ALPK1: variants seen among roughly 807,000 people sequenced by gnomAD.
ALPK1 encodes alpha-protein kinase 1.
In ALPK1, 110 loss-of-function variants were observed where a neutral mutation model predicts 120.6. The observed-to-expected ratio is 0.91, with a 90% confidence interval of 0.78 to 1.07. ALPK1 has a LOEUF of 1.07. Ranked by LOEUF, ALPK1 falls within the 50% of genes least tolerant of loss-of-function variation. ALPK1 has a pLI of 0.00. For synonymous variants in ALPK1, 582 were observed against 560.3 expected, an observed-to-expected ratio of 1.04 and a Z score of -0.55; for missense variants, 1,498 against 1,483.9, an observed-to-expected ratio of 1.01 and a Z score of -0.16.
chr4:112,356,397 G>A, intron 2 of ALPK1: 3 of 841,978 alleles, frequency 3.6e-6, no homozygotes, highest in South Asian at 1.3e-5. Flanking sequence ...GTCATCCTGG[G>A]GCAATGCTGC....
intron 6 of ALPK1, chr4:112,425,295 T>G (rs1051953686): frequency 5.5e-6 from 1 of 182,906 alleles, no homozygotes; most frequent in Admixed American, 5.7e-5. Context: ...TGGAGGCCTT[T>G]GAGGAAAAGC....
chr4:112,397,866 AT>A (rs1732729731), intron 4 of ALPK1, among the ~76,000 whole-genome samples: 1 of 152,116 alleles, frequency 6.6e-6, no homozygotes, highest in Non-Finnish European at 1.5e-5. Flanking sequence ...CGAGTTTCTG[AT>A]TTAGTGAATC....
chr4:112,381,321 C>A (rs1731895839), intron 3 of ALPK1, among the ~76,000 whole-genome samples: 1 of 152,012 alleles, frequency 6.6e-6, no homozygotes, highest in South Asian at 2.1e-4. Context: ...ATGGTGGTGC[C>A]AGTCATTAAA....
In ALPK1 at chr4:112,435,184, T is replaced by C; in HGVS notation, c.3071T>C (p.Leu1024Pro). The change falls in exon 12 of 16, where the codon CTG becomes CCG. Residue 1024 changes from leucine to proline, a missense_variant. By Grantham distance (98) the Leu-to-Pro change is moderately conservative (BLOSUM62 -3). Coordinates refer to ENST00000650871, the MANE Select transcript of ALPK1 (RefSeq NM_025144.4). ...LLLKYSKKSE[L>P]WTAQETIVYL... ...TTAAAATATTCAAAAAAATCTGAACTGTGGACGGCCCAGGAAACTATTGTC... is the reference window on the plus strand; with the variant it reads ...TTAAAATATTCAAAAAAATCTGAACCGTGGACGGCCCAGGAAACTATTGTC... 6.2e-7 allele frequency: 1 copy of C among 1,607,988 alleles called. No individual in the cohort carries two copies. Among genetic ancestry groups the C allele is most frequent in the Non-Finnish European group, 8.5e-7 (1 of 1,178,590 alleles).
intron 2 of ALPK1, among the ~76,000 whole-genome samples, chr4:112,336,095 G>C (rs958119235): frequency 4.6e-5 from 7 of 152,130 alleles, no homozygotes; most frequent in Non-Finnish European, 5.9e-5. Context: ...TATATCCCTA[G>C]TACCTACAAT....
rs764964716 is a variant in ALPK1, at chr4:112,430,854, G to C, written c.1307G>C (p.Ser436Thr). ...NVDDRSYVPE[S>T]FECRLDKLIL... ...GATGACAGATCTTATGTTCCCGAGA[G>C]TTTCGAGTGCAGGTTGGATAAACTT... The change falls in exon 11 of 16, where the codon AGT (serine) becomes ACT (threonine). Residue 436 changes from serine (S) to threonine (T), a missense_variant. By Grantham distance (58) the Ser-to-Thr change is moderately conservative. Coordinates refer to ENST00000650871, the MANE Select transcript of ALPK1 (RefSeq NM_025144.4). 3.7e-6 allele frequency: 6 copies of C among 1,614,002 alleles called. No homozygotes were observed. Among genetic ancestry groups the C allele is most frequent in the Non-Finnish European group, 2.5e-6 (3 of 1,179,952 alleles).
At chr4:112,392,587 TA>T (rs1732467282) in intron 4 of ALPK1, among the ~76,000 whole-genome samples, 3 of 152,228 alleles carry the variant, frequency 2.0e-5, no homozygotes, top group Admixed American at 2.0e-4. Flanking sequence ...AGTACAGTGG[TA>T]CAATTTTGGC....
At chr4:112,421,385 G>A (rs976262186) in intron 5 of ALPK1, among the ~76,000 whole-genome samples, 3 of 152,126 alleles carry the variant, frequency 2.0e-5, no homozygotes, top group Non-Finnish European at 1.5e-5. Flanking sequence ...AAGCTCTTTC[G>A]CTTGGTCAGA....
chr4:112,367,879 A>G (rs1174988683), intron 2 of ALPK1, among the ~76,000 whole-genome samples: 4 of 152,148 alleles, frequency 2.6e-5, no homozygotes, highest in African/African-American at 9.7e-5. Context: ...CAGTTCAAAA[A>G]TTCTATCTTC....
chr4:112,381,585 C>G (rs62316106), intron 3 of ALPK1, among the ~76,000 whole-genome samples: 1 of 152,052 alleles, frequency 6.6e-6, no homozygotes, highest in African/African-American at 2.4e-5. Flanking sequence ...GGTGCATGTA[C>G]TGTACATCAC....
At chr4:112,355,850 C>T (rs147736754) in intron 2 of ALPK1, among the ~76,000 whole-genome samples, 1 of 152,370 alleles carries the variant, frequency 6.6e-6, no homozygotes, top group Non-Finnish European at 1.5e-5. Context: ...GCGCCTCAGT[C>T]CGCGAAGTCT....
At chr4:112,418,708 A>C (rs970767308) in intron 5 of ALPK1, among the ~76,000 whole-genome samples, 2 of 149,972 alleles carry the variant, frequency 1.3e-5, no homozygotes, top group African/African-American at 4.9e-5. Context: ...CAGGTATTGA[A>C]GGGTGGATTG....
chr4:112,430,966 T>C lies in ALPK1; in HGVS notation c.1419T>C (p.Asp473=). The C allele has an allele frequency of 6.2e-7, 1 of 1,613,864 alleles. No individual in the cohort carries two copies. The highest frequency in any genetic ancestry group is 8.5e-7 in the Non-Finnish European group (1 of 1,179,814). The change falls in exon 11 of 16, where the codon GAT becomes GAC. Residue 473 remains aspartate (D), a synonymous_variant. Transcript: ENST00000650871. ...CGGTGTGTGAAGTATTTGAAAGTGATTGTGGAAACAACAAAAATGAACAGA... is the reference window on the plus strand; with the variant it reads ...CGGTGTGTGAAGTATTTGAAAGTGACTGTGGAAACAACAAAAATGAACAGA... The part of the protein sequence containing the change: ...HTSVCEVFES[D]CGNNKNEQKD...
intron 2 of ALPK1, chr4:112,357,212 A>G: frequency 6.5e-7 from 1 of 1,549,630 alleles, no homozygotes; most frequent in Middle Eastern, 2.3e-4. Flanking sequence ...GTTTCAGACC[A>G]AGGGCTGCAT....
At chr4:112,398,154 T>C (rs888132856) in intron 4 of ALPK1, among the ~76,000 whole-genome samples, 1 of 152,072 alleles carries the variant, frequency 6.6e-6, no homozygotes, top group Non-Finnish European at 1.5e-5. Context: ...GAGCAACAAA[T>C]ACAAAGACTT....
At chr4:112,331,904 G>T (rs1238569446) in intron 2 of ALPK1, among the ~76,000 whole-genome samples, 1 of 152,064 alleles carries the variant, frequency 6.6e-6, no homozygotes, top group African/African-American at 2.4e-5. Flanking sequence ...GGGCAGCTTG[G>T]GTCTCATACA....
chr4:112,396,302 C>A (rs1236045191), intron 4 of ALPK1, among the ~76,000 whole-genome samples: 6 of 152,212 alleles, frequency 3.9e-5, no homozygotes, highest in Non-Finnish European at 7.3e-5. Context: ...CTCTAAGGAA[C>A]TTTGCCTGGA....
At chr4:112,427,746 C>A in intron 9 of ALPK1, 81 bp downstream of exon 9, 1 of 998,142 alleles carries the variant, frequency 1.0e-6, no homozygotes, top group South Asian at 1.4e-5. Context: ...CTGTCTTTCT[C>A]AGGAGATTGG....
chr4:112,369,632 G>A (rs1348047152), intron 2 of ALPK1, among the ~76,000 whole-genome samples: 6 of 152,100 alleles, frequency 3.9e-5, no homozygotes, highest in East Asian at 3.8e-4. Context: ...GCAGTGAGCC[G>A]AGATTGCACC....
Sources: allele counts gnomAD v4.1 joint callset (sites outside exome capture counted in the v4.1 genomes callset), GRCh38; gene constraint gnomAD v4.1.1; transcripts MANE v1.5; gene names NCBI Gene and HGNC (gene_info 2026-07-23, HGNC 2026-07-21).